Variants in NR6A1 observed in about 807,000 individuals in gnomAD.
The protein encoded by NR6A1 is nuclear receptor subfamily 6 group A member 1.
In NR6A1, 7 loss-of-function variants were observed where a neutral mutation model predicts 59.1. The observed-to-expected ratio is 0.12, with a 90% CI of 0.07 to 0.22. The LOEUF (loss-of-function observed/expected upper bound fraction) is 0.22. Among genes scored for constraint, NR6A1 ranks in the 10% least tolerant of loss-of-function variants. The pLI is 1.00. For missense variants in NR6A1, 468 were observed against 611.6 expected, an observed-to-expected ratio of 0.77 and a Z score of 2.48; for synonymous variants, 243 against 236.1, an observed-to-expected ratio of 1.03 and a Z score of -0.27.
chr9:124,545,221 A>G (rs1295061915), intron 3 of NR6A1, among the ~76,000 whole-genome samples: 1 of 152,262 alleles, frequency 6.6e-6, no homozygotes, highest in African/African-American at 2.4e-5. Context: ...TGAAATGAAA[A>G]GAGAAAATAC....
At chr9:124,590,092 C>CAAAAAAAAAAAAAA (rs1327869115) in intron 2 of NR6A1, among the ~76,000 whole-genome samples, 10 of 64,812 alleles carry the variant, frequency 1.5e-4, no homozygotes, top group African/African-American at 3.5e-4. Context: ...AAAAAAAAAG[C>CAAAAAAAAAAAAAA]AAAGCTAGTC....
At chr9:124,538,852 AT>A (rs1833359875) in intron 5 of NR6A1, among the ~76,000 whole-genome samples, 2 of 151,240 alleles carry the variant, frequency 1.3e-5, no homozygotes, top group African/African-American at 4.9e-5. Context: ...ACAAAGGTAG[AT>A]TTTTGCCTTC....
chr9:124,692,733 T>C (rs1838598834), intron 2 of NR6A1, among the ~76,000 whole-genome samples: 1 of 152,224 alleles, frequency 6.6e-6, no homozygotes, highest in Non-Finnish European at 1.5e-5. Context: ...ACAAAAAAAG[T>C]GTTTCATTTC....
chr9:124,726,684 A>C (rs1839728750), intron 2 of NR6A1, among the ~76,000 whole-genome samples: 2 of 149,492 alleles, frequency 1.3e-5, no homozygotes, highest in South Asian at 4.2e-4. Flanking sequence ...GAAATTCTTC[A>C]CTTCTTCTCA....
At chr9:124,663,468 C>T (rs569091113) in intron 2 of NR6A1, among the ~76,000 whole-genome samples, 2 of 152,290 alleles carry the variant, frequency 1.3e-5, no homozygotes, top group South Asian at 4.1e-4. Flanking sequence ...GTACAAGTCA[C>T]TTCCCCTCTT....
chr9:124,765,773 A>G (rs1028783296), intron 1 of NR6A1, among the ~76,000 whole-genome samples: 2 of 151,974 alleles, frequency 1.3e-5, no homozygotes, highest in Non-Finnish European at 2.9e-5. Context: ...TTTTTTTGAG[A>G]AGCTTTTCTA....
intron 1 of NR6A1, among the ~76,000 whole-genome samples, chr9:124,733,693 C>A (rs537923029): frequency 6.6e-6 from 1 of 152,184 alleles, no homozygotes; most frequent in Non-Finnish European, 1.5e-5. Context: ...TAAAAATTCA[C>A]AGGAAAATTA....
intron 2 of NR6A1, among the ~76,000 whole-genome samples, chr9:124,689,546 C>T (rs1435372349): frequency 6.6e-6 from 1 of 152,158 alleles, no homozygotes; most frequent in Non-Finnish European, 1.5e-5. Flanking sequence ...CATTTGCATG[C>T]TCTTTCAGAT....
At chr9:124,720,619 T>G (rs1401820123) in intron 2 of NR6A1, among the ~76,000 whole-genome samples, 1 of 152,170 alleles carries the variant, frequency 6.6e-6, no homozygotes, top group Non-Finnish European at 1.5e-5. Context: ...TTTCAGATCA[T>G]ATCTATGACA....
At chr9:124,684,560 T>G (rs745949784) in intron 2 of NR6A1, among the ~76,000 whole-genome samples, 1 of 152,138 alleles carries the variant, frequency 6.6e-6, no homozygotes, top group Non-Finnish European at 1.5e-5. Context: ...CAAGCTGAAG[T>G]GGATTAGGAG....
intron 2 of NR6A1, among the ~76,000 whole-genome samples, chr9:124,680,996 A>G (rs1838135908): frequency 6.6e-6 from 1 of 152,234 alleles, no homozygotes; most frequent in African/African-American, 2.4e-5. Context: ...AGGGAAAGCC[A>G]TTTTAACTTA....
intron 2 of NR6A1, among the ~76,000 whole-genome samples, chr9:124,684,868 T>G (rs901663669): frequency 6.6e-5 from 10 of 152,234 alleles, no homozygotes; most frequent in Admixed American, 3.9e-4. Flanking sequence ...CAAATCCAAG[T>G]CAATGGTCCA....
chr9:124,759,109 C>A (rs1401813372), intron 1 of NR6A1, among the ~76,000 whole-genome samples: 1 of 152,204 alleles, frequency 6.6e-6, no homozygotes. Context: ...AATCTATTAA[C>A]CCACACTGCC....
chr9:124,639,545 G>A (rs186051104), intron 2 of NR6A1, among the ~76,000 whole-genome samples: 1 of 152,286 alleles, frequency 6.6e-6, no homozygotes, highest in East Asian at 1.9e-4. Context: ...AGTATGTCAA[G>A]TAAATGTTCT....
At chr9:124,613,252 T>C (rs553218460) in intron 2 of NR6A1, among the ~76,000 whole-genome samples, 27 of 152,190 alleles carry the variant, frequency 1.8e-4, no homozygotes, top group African/African-American at 6.5e-4. Flanking sequence ...GAAGGACCAA[T>C]TAAGCCCAGA....
intron 2 of NR6A1, among the ~76,000 whole-genome samples, chr9:124,643,847 A>C (rs1016710956): frequency 1.3e-5 from 2 of 151,752 alleles, no homozygotes; most frequent in African/African-American, 2.4e-5. Flanking sequence ...TTTAAAAATC[A>C]CTATAAATTT....
chr9:124,719,850 G>C (rs1839515043), intron 2 of NR6A1, among the ~76,000 whole-genome samples: 1 of 151,944 alleles, frequency 6.6e-6, no homozygotes, highest in Non-Finnish European at 1.5e-5. Context: ...GAGCCCAGGA[G>C]GTCGAGGCTG....
chr9:124,630,017 CA>C (rs1371474010), intron 2 of NR6A1, among the ~76,000 whole-genome samples: 2 of 152,066 alleles, frequency 1.3e-5, no homozygotes, highest in African/African-American at 2.4e-5. Context: ...CCACGTTGCC[CA>C]AATTTTTTCA....
intron 2 of NR6A1, among the ~76,000 whole-genome samples, chr9:124,636,593 C>T (rs555371385): frequency 4.8e-4 from 73 of 152,244 alleles, no homozygotes; most frequent in Middle Eastern, 3.4e-3. Context: ...ATCTTTGTGA[C>T]GGATATAAGG....
Sources: gnomAD v4.1 joint callset for allele counts (sites outside exome capture counted in the v4.1 genomes callset) on GRCh38, gnomAD v4.1.1 for gene constraint, MANE v1.5 for transcripts, NCBI Gene and HGNC (gene_info 2026-07-23, HGNC 2026-07-21) for gene names.